ARNT2: variants seen among roughly 807,000 people sequenced by gnomAD.
The protein encoded by ARNT2 is aryl hydrocarbon receptor nuclear translocator 2, also known as ARNT protein 2.
A neutral mutation model predicts 91.7 loss-of-function variants in ARNT2; 36 were observed. The ratio of observed to expected loss-of-function variants is 0.39; its 90% CI spans 0.30 to 0.52. The LOEUF (loss-of-function observed/expected upper bound fraction) is 0.52, where lower values mean the gene tolerates loss of function less well. Among genes scored for constraint, ARNT2 ranks in the 20% least tolerant of loss-of-function variants. The pLI, the probability that ARNT2 is intolerant of heterozygous loss-of-function variation, is 0.72. For missense variants in ARNT2, 775 were observed against 939.3 expected (o/e 0.83, Z 2.29); for synonymous variants, 365 against 347.1 (o/e 1.05, Z -0.57).
intron 12 of ARNT2, among the ~76,000 whole-genome samples, chr15:80,567,313 A>AT (rs1898503282): frequency 7.4e-6 from 1 of 135,188 alleles, no homozygotes; most frequent in Non-Finnish European, 1.5e-5. Context: ...TGTTCAAGAC[A>AT]TAGCTTTAAA....
chr15:80,440,425 C>T (rs28364730), intron 1 of ARNT2, among the ~76,000 whole-genome samples: 48,657 of 152,040 alleles, frequency 0.32, 9,195 homozygotes, highest in East Asian at 0.56. Context: ...TATTTTTACT[C>T]CTTTTACAAA....
At chr15:80,507,668 C>T (rs1208751795) in intron 5 of ARNT2, among the ~76,000 whole-genome samples, 1 of 152,178 alleles carries the variant, frequency 6.6e-6, no homozygotes, top group Non-Finnish European at 1.5e-5. Flanking sequence ...AGGTTGGAGC[C>T]TCCAGGGAGA....
chr15:80,499,854 A>C (rs1363109627), intron 5 of ARNT2, among the ~76,000 whole-genome samples: 1 of 152,212 alleles, frequency 6.6e-6, no homozygotes, highest in African/African-American at 2.4e-5. Context: ...GATTAGTATG[A>C]GAGCTATTTC....
chr15:80,574,280 C>T (rs1567005786), intron 13 of ARNT2, 60 bp downstream of exon 13: 2 of 1,509,232 alleles, frequency 1.3e-6, no homozygotes, highest in East Asian at 4.5e-5. Flanking sequence ...GGACTTGGGA[C>T]TCAATTCAGC....
At chr15:80,419,838 C>T (rs966807787) in intron 1 of ARNT2, among the ~76,000 whole-genome samples, 31 of 152,188 alleles carry the variant, frequency 2.0e-4, no homozygotes, top group African/African-American at 7.0e-4. Context: ...TTTCCTGTGC[C>T]TGGCAGCAGG....
intron 17 of ARNT2, among the ~76,000 whole-genome samples, chr15:80,589,417 G>T (rs1222727562): frequency 2.0e-5 from 3 of 152,186 alleles, no homozygotes. Context: ...TAAGGAGGAA[G>T]GGCTGAGGGC....
At chr15:80,504,461 G>A (rs1897243752) in intron 5 of ARNT2, among the ~76,000 whole-genome samples, 1 of 152,176 alleles carries the variant, frequency 6.6e-6, no homozygotes, top group African/African-American at 2.4e-5. Flanking sequence ...GACACCTTGG[G>A]TAAGTTGTGA....
intron 8 of ARNT2, among the ~76,000 whole-genome samples, chr15:80,524,435 A>C (rs559554535): frequency 2.6e-5 from 4 of 152,334 alleles, no homozygotes; most frequent in African/African-American, 9.6e-5. Flanking sequence ...AGATGTGTGC[A>C]TGTGTGTTGA....
intron 8 of ARNT2, among the ~76,000 whole-genome samples, chr15:80,535,669 A>G (rs979082844): frequency 3.3e-5 from 5 of 150,334 alleles, no homozygotes; most frequent in African/African-American, 1.2e-4. Context: ...TGCTACAAAG[A>G]TTTCCGTTCA....
rs185852230 is a variant in ARNT2 at position 80,491,206 on chromosome 15, G to A, written c.622+15983G>A. ...AGTTAGTTTTCACGCTGCTGATAAA[G>A]ACATACCTGAGACTGGGAAGAAAAA... On this transcript the variant is annotated intron_variant, in intron 5 of 18. Transcript: ENST00000303329. 3.1e-3 allele frequency among the ~76,000 whole-genome samples: 474 copies of A among 152,238 alleles called. 3 individuals are homozygous for A. The highest frequency in any genetic ancestry group is 0.011 in the African/African-American group (448 of 41,540).
chr15:80,518,067 T>C (rs1897470160), intron 8 of ARNT2, among the ~76,000 whole-genome samples: 1 of 152,128 alleles, frequency 6.6e-6, no homozygotes, highest in African/African-American at 2.4e-5. Context: ...TAATTCTTTG[T>C]TGAAATCCAG....
intron 5 of ARNT2, among the ~76,000 whole-genome samples, chr15:80,503,672 G>A (rs537214388): frequency 5.9e-5 from 9 of 152,286 alleles, no homozygotes; most frequent in East Asian, 5.8e-4. Context: ...AAAAGATGCC[G>A]TCTGTGAAGG....
intron 5 of ARNT2, among the ~76,000 whole-genome samples, chr15:80,507,809 T>A (rs568667874): frequency 6.6e-6 from 1 of 152,218 alleles, no homozygotes; most frequent in South Asian, 2.1e-4. Flanking sequence ...AGGAAAAACG[T>A]GTTTTAGATT....
At chr15:80,574,663 C>T (rs1473625254) in intron 13 of ARNT2, among the ~76,000 whole-genome samples, 1 of 152,182 alleles carries the variant, frequency 6.6e-6, no homozygotes, top group Non-Finnish European at 1.5e-5. Context: ...TCCTTTCCTT[C>T]TCCTATCTCC....
intron 12 of ARNT2, 197 bp from the exon 13 acceptor site, chr15:80,573,951 G>T: frequency 1.8e-6 from 1 of 566,360 alleles, no homozygotes; most frequent in Non-Finnish European, 3.1e-6. Context: ...AGTTGAGTTT[G>T]GTAGCCTAAA....
intron 5 of ARNT2, among the ~76,000 whole-genome samples, chr15:80,505,298 A>C (rs1332009804): frequency 6.6e-6 from 1 of 152,188 alleles, no homozygotes; most frequent in African/African-American, 2.4e-5. Context: ...GCTGGAATGA[A>C]GGGGACAAGA....
At chr15:80,521,392 T>C (rs1430051862) in intron 8 of ARNT2, among the ~76,000 whole-genome samples, 1 of 151,946 alleles carries the variant, frequency 6.6e-6, no homozygotes, top group African/African-American at 2.4e-5. Context: ...GCCACAAAAA[T>C]CCAACAAATT....
rs1444683038 is a variant in ARNT2 at position 80,597,374 on chromosome 15, C to T, written c.*3676C>T. On this transcript the variant is annotated 3_prime_UTR_variant, in exon 19 of 19. Coordinates refer to ENST00000303329, the MANE Select transcript of ARNT2 (RefSeq NM_014862.4). Reference sequence around the variant, plus strand: ...AGAATAGAAGTGTCCTTTATATTACCAGAAAATATGGGCTTGGCCTAAGTC... The same window carrying T: ...AGAATAGAAGTGTCCTTTATATTACTAGAAAATATGGGCTTGGCCTAAGTC... The T allele has an allele frequency of 1.2e-5, 6 of 498,928 alleles. No homozygotes were observed. Among genetic ancestry groups the T allele is most frequent in the Non-Finnish European group, 2.4e-5 (6 of 248,222 alleles). The allele number at this position is 498,928 out of a possible 1,614,324, so 30.9% of individuals were successfully genotyped here. A position where few individuals can be genotyped will look rare whatever the true frequency, so the allele number is the denominator to read the frequency against.
rs776541156 is a variant in ARNT2 at position 80,580,540 on chromosome 15, T to C, written c.1743T>C (p.Phe581=). The C allele has an allele frequency of 6.2e-7, 1 of 1,613,968 alleles. No homozygotes were observed. Among genetic ancestry groups the C allele is most frequent in the Non-Finnish European group, 8.5e-7 (1 of 1,179,998 alleles). Residue 581 remains phenylalanine (F), a synonymous_variant, in exon 16 of 19, where the codon TTT becomes TTC. Coordinates refer to ENST00000303329, the MANE Select transcript of ARNT2 (RefSeq NM_014862.4). ...QVAWTGSRPP[F]PGQQIPSQSS... ...CATGGACAGGGAGTCGTCCGCCCTT[T>C]CCGGGACAGGTATGGGCATCTGTGA... is the stretch of plus-strand genomic sequence containing the variant.
Sources: gnomAD v4.1 joint callset for allele counts (sites outside exome capture counted in the v4.1 genomes callset) on GRCh38, gnomAD v4.1.1 for gene constraint, MANE v1.5 for transcripts, NCBI Gene and HGNC (gene_info 2026-07-23, HGNC 2026-07-21) for gene names.